KCTD8: variants seen among roughly 807,000 people sequenced by gnomAD.
KCTD8 encodes the protein potassium channel tetramerization domain containing 8.
Under a neutral mutation model 31.5 loss-of-function variants are expected in KCTD8, and 27 were observed. The observed-to-expected ratio is 0.86, with a 90% CI of 0.63 to 1.18. The LOEUF is 1.18. Among genes scored for constraint, KCTD8 ranks in the 50% most tolerant of loss-of-function variants. The probability of loss-of-function intolerance (pLI) is 0.00; values close to 1 mark genes in which losing one functional copy is unlikely to be tolerated. For synonymous variants in KCTD8, 290 were observed against 280.0 expected, an observed-to-expected ratio of 1.04 and a Z score of -0.36; for missense variants, 658 against 647.7, an observed-to-expected ratio of 1.02 and a Z score of -0.17.
intron 1 of KCTD8, among the ~76,000 whole-genome samples, chr4:44,237,929 A>G (rs769320975): frequency 1.3e-5 from 2 of 152,152 alleles, no homozygotes; most frequent in Non-Finnish European, 2.9e-5. Context: ...TACATACCCA[A>G]ATCTGCTCCT....
intron 1 of KCTD8, among the ~76,000 whole-genome samples, chr4:44,194,778 CCCTTCCCT>C: frequency 1.8e-5 from 1 of 54,154 alleles, no homozygotes; most frequent in African/African-American, 9.4e-5. Flanking sequence ...CCACCCTCCC[CCCTTCCCT>C]CCCTCCCTCC....
chr4:44,254,117 C>T (rs929750357), intron 1 of KCTD8, among the ~76,000 whole-genome samples: 3 of 151,810 alleles, frequency 2.0e-5, no homozygotes, highest in Admixed American at 2.0e-4. Flanking sequence ...GATTTCCATG[C>T]AGAATATTGA....
chr4:44,362,641 T>A (rs1225965896), intron 1 of KCTD8, among the ~76,000 whole-genome samples: 2 of 152,054 alleles, frequency 1.3e-5, no homozygotes, highest in Non-Finnish European at 2.9e-5. Context: ...GGGGTAATTG[T>A]GGTAGGAACA....
At chr4:44,345,142 T>C (rs1230264598) in intron 1 of KCTD8, among the ~76,000 whole-genome samples, 1 of 152,114 alleles carries the variant, frequency 6.6e-6, no homozygotes, top group African/African-American at 2.4e-5. Context: ...TGTTCATTTA[T>C]AGTAGTCTAG....
intron 1 of KCTD8, among the ~76,000 whole-genome samples, chr4:44,176,413 C>T (rs1230709583): frequency 1.3e-5 from 2 of 152,126 alleles, no homozygotes; most frequent in Non-Finnish European, 2.9e-5. Context: ...ACCTGGCCAT[C>T]AGGTCATTTA....
At chr4:44,300,492 T>C (rs1454601894) in intron 1 of KCTD8, among the ~76,000 whole-genome samples, 1 of 152,222 alleles carries the variant, frequency 6.6e-6, no homozygotes, top group Non-Finnish European at 1.5e-5. Context: ...GTTATATTCA[T>C]GTATAACATG....
At chr4:44,321,700 C>T (rs541306823) in intron 1 of KCTD8, among the ~76,000 whole-genome samples, 28 of 152,174 alleles carry the variant, frequency 1.8e-4, no homozygotes, top group African/African-American at 4.6e-4. Context: ...AGAACTCATT[C>T]CCTTTCTCTA....
chr4:44,305,945 A>C (rs1383624093), intron 1 of KCTD8, among the ~76,000 whole-genome samples: 1 of 151,882 alleles, frequency 6.6e-6, no homozygotes, highest in Non-Finnish European at 1.5e-5. Context: ...TTTAAAAACT[A>C]AAAGCATTTC....
Position 44,448,149 on chromosome 4 carries a change from G to A in KCTD8, c.375C>T (p.Pro125=). Reference sequence around the variant, plus strand: ...CCTCGCGCAGCAGCCGCTCCTTCTCGGGGAAGTGCTCCGGCAGCGCGAGTT... The same window carrying A: ...CCTCGCGCAGCAGCCGCTCCTTCTCAGGGAAGTGCTCCGGCAGCGCGAGTT... ...DKQLALPEHF[P]EKERLLREAE... The change falls in exon 1 of 2, where the codon CCC becomes CCT. Residue 125 remains proline, a synonymous_variant. Transcript: ENST00000360029. This position sits in a 1 kb window ranked among gnomAD's most constrained non-coding sequence, Gnocchi z 4.1. The A allele has an allele frequency of 6.2e-7, 1 of 1,612,608 alleles. No homozygotes were observed. Among genetic ancestry groups the A allele is most frequent in the Non-Finnish European group, 8.5e-7 (1 of 1,179,818 alleles).
At chr4:44,411,778 G>A (rs974312084) in intron 1 of KCTD8, among the ~76,000 whole-genome samples, 2 of 152,026 alleles carry the variant, frequency 1.3e-5, no homozygotes, top group African/African-American at 4.8e-5. Context: ...CAGAGGCAGG[G>A]ATCGGAGTGC....
chr4:44,371,771 A>G (rs1719793212), intron 1 of KCTD8, among the ~76,000 whole-genome samples: 1 of 152,090 alleles, frequency 6.6e-6, no homozygotes, highest in South Asian at 2.1e-4. Flanking sequence ...TGAATCCCCA[A>G]CTCAGGTCAT....
intron 1 of KCTD8, among the ~76,000 whole-genome samples, chr4:44,332,280 T>A (rs1335938318): frequency 6.6e-6 from 1 of 151,958 alleles, no homozygotes; most frequent in Non-Finnish European, 1.5e-5. Flanking sequence ...AGAAACTCAG[T>A]ATGTTTTGAA....
At chr4:44,295,611 T>C (rs983389626) in intron 1 of KCTD8, among the ~76,000 whole-genome samples, 1 of 152,218 alleles carries the variant, frequency 6.6e-6, no homozygotes, top group East Asian at 1.9e-4. Context: ...TATTTTGATA[T>C]GCGTCAGGCT....
chr4:44,212,936 T>C (rs1714534550), intron 1 of KCTD8, among the ~76,000 whole-genome samples: 1 of 152,122 alleles, frequency 6.6e-6, no homozygotes, highest in Non-Finnish European at 1.5e-5. Flanking sequence ...GTTTTTTTGT[T>C]TGTTTGTTTG....
rs1054153660 is a variant in KCTD8 at position 44,444,268 on chromosome 4, C to T, written c.961+3295G>A. Among the ~76,000 whole-genome samples, 12 of 152,100 alleles carry T rather than the reference C, an allele frequency of 7.9e-5. No homozygotes were observed. In the East Asian group the frequency reaches 1.7e-3, roughly 22 times the overall value. ...GCTAAAACACTTCTTGGCCCTGAATCGGAAATGGGTTCTGTTGGAGTCAAT... is the reference window on the plus strand; with the variant it reads ...GCTAAAACACTTCTTGGCCCTGAATTGGAAATGGGTTCTGTTGGAGTCAAT... On this transcript the variant is annotated intron_variant, in intron 1 of 1. Transcript: ENST00000360029.
chr4:44,239,559 G>T (rs1715389051), intron 1 of KCTD8, among the ~76,000 whole-genome samples: 1 of 152,100 alleles, frequency 6.6e-6, no homozygotes. Flanking sequence ...TTCACTGCTT[G>T]ATTTATTAAT....
intron 1 of KCTD8, among the ~76,000 whole-genome samples, chr4:44,267,427 C>T (rs537931821): frequency 2.6e-5 from 4 of 152,136 alleles, no homozygotes; most frequent in Admixed American, 6.5e-5. Context: ...CACTAAATGC[C>T]CACAAGAGAA....
intron 1 of KCTD8, among the ~76,000 whole-genome samples, chr4:44,343,025 T>C (rs1362157509): frequency 5.9e-5 from 9 of 152,248 alleles, no homozygotes; most frequent in Non-Finnish European, 1.2e-4. Context: ...TGTTTCACTT[T>C]CCTATCACTC....
At chr4:44,334,676 C>T (rs1192486184) in intron 1 of KCTD8, among the ~76,000 whole-genome samples, 1 of 151,754 alleles carries the variant, frequency 6.6e-6, no homozygotes, top group African/African-American at 2.4e-5. Flanking sequence ...TTGAACATAA[C>T]AACAACAAAA....
Sources: gnomAD v4.1 joint callset for allele counts (sites outside exome capture counted in the v4.1 genomes callset) on GRCh38, gnomAD v4.1.1 for gene constraint, Gnocchi (gnomAD v3.1) non-coding constraint, MANE v1.5 for transcripts, NCBI Gene and HGNC (gene_info 2026-07-23, HGNC 2026-07-21) for gene names.